The following ADAMTS6 variants were observed in gnomAD, a reference collection of about 807,000 sequenced individuals.
ADAMTS6 encodes A disintegrin and metalloproteinase with thrombospondin motifs 6.
Under a neutral mutation model 144.3 loss-of-function variants are expected in ADAMTS6, and 23 were observed. The ratio of observed to expected loss-of-function variants is 0.16; its 90% CI spans 0.11 to 0.23. ADAMTS6 has a LOEUF of 0.23. Ranked by LOEUF, ADAMTS6 falls within the 10% of genes least tolerant of loss-of-function variation. The pLI is 1.00. For synonymous variants in ADAMTS6, 444 were observed against 457.5 expected (o/e 0.97, Z 0.38); for missense variants, 999 against 1,379.6 (o/e 0.72, Z 4.37).
At chr5:65,467,653 G>T (rs1358170271) in intron 3 of ADAMTS6, among the ~76,000 whole-genome samples, 3 of 151,856 alleles carry the variant, frequency 2.0e-5, no homozygotes, top group Non-Finnish European at 4.4e-5. Flanking sequence ...ATGATTTTTT[G>T]AACCCAGAAT....
intron 21 of ADAMTS6, among the ~76,000 whole-genome samples, chr5:65,188,816 T>C (rs2112178738): frequency 6.6e-6 from 1 of 152,294 alleles, no homozygotes; most frequent in South Asian, 2.1e-4. Context: ...AAACAAGAAA[T>C]AGTAGGTATT....
At chr5:65,409,222 T>C (rs1054797410) in intron 7 of ADAMTS6, among the ~76,000 whole-genome samples, 9 of 151,436 alleles carry the variant, frequency 5.9e-5, no homozygotes, top group South Asian at 2.1e-4. Context: ...CTGGTTTTTT[T>C]AAAAGATCAA....
At chr5:65,220,937 T>C (rs1191228348) in intron 18 of ADAMTS6, among the ~76,000 whole-genome samples, 1 of 152,132 alleles carries the variant, frequency 6.6e-6, no homozygotes, top group Non-Finnish European at 1.5e-5. Context: ...CCTACAGATA[T>C]TAAAAAGATA....
At chr5:65,366,677 ACTGT>A (rs1264963896) in intron 7 of ADAMTS6, among the ~76,000 whole-genome samples, 1 of 152,174 alleles carries the variant, frequency 6.6e-6, no homozygotes. Flanking sequence ...ATTCTTACTA[ACTGT>A]TCATAGATTT....
At chr5:65,409,405 C>G (rs372764719) in intron 7 of ADAMTS6, among the ~76,000 whole-genome samples, 1 of 151,980 alleles carries the variant, frequency 6.6e-6, no homozygotes, top group African/African-American at 2.4e-5. Flanking sequence ...TAGAAGAAAT[C>G]GATAAATTCC....
chr5:65,414,462 C>A (rs895156050), intron 7 of ADAMTS6, among the ~76,000 whole-genome samples: 2 of 151,910 alleles, frequency 1.3e-5, no homozygotes, highest in African/African-American at 2.4e-5. Context: ...CCCCCCTACA[C>A]TAAATGATGA....
intron 9 of ADAMTS6, among the ~76,000 whole-genome samples, chr5:65,302,430 C>T (rs1743532937): frequency 6.7e-6 from 1 of 149,700 alleles, no homozygotes; most frequent in South Asian, 2.1e-4. Context: ...TGCATATACA[C>T]ATATTAGGAA....
chr5:65,404,882 T>A (rs998872600), intron 7 of ADAMTS6, among the ~76,000 whole-genome samples: 9 of 152,200 alleles, frequency 5.9e-5, no homozygotes, highest in Admixed American at 5.9e-4. Context: ...GATTTGCATT[T>A]CTCTGATGGC....
intron 7 of ADAMTS6, among the ~76,000 whole-genome samples, chr5:65,409,205 T>C (rs1402478221): frequency 1.3e-5 from 2 of 151,372 alleles, no homozygotes; most frequent in African/African-American, 4.9e-5. Context: ...ATCAATGAAT[T>C]CAGGAGCTGG....
At chr5:65,392,286 T>G (rs1391062991) in intron 7 of ADAMTS6, among the ~76,000 whole-genome samples, 2 of 152,190 alleles carry the variant, frequency 1.3e-5, no homozygotes, top group Non-Finnish European at 2.9e-5. Context: ...ATAAGCAGTC[T>G]AACACTTGAA....
chr5:65,371,028 T>C lies in ADAMTS6; in HGVS notation c.1074-36943A>G, dbSNP rs561232138. On this transcript the variant is annotated intron_variant, in intron 7 of 24. Coordinates refer to ENST00000381055, the MANE Select transcript of ADAMTS6 (RefSeq NM_197941.4). The stretch of plus-strand genomic sequence containing the variant: ...AGCAGGGGCACACTGACACCTCACA[T>C]GGCCGGGTACTCCAACAGACCTGCA... Among the ~76,000 whole-genome samples the C allele has an allele frequency of 4.7e-3, 721 of 151,896 alleles. 5 individuals carry two copies. The highest frequency in any genetic ancestry group is 0.016 in the African/African-American group (646 of 41,510).
chr5:65,326,759 G>A (rs1240548229), intron 9 of ADAMTS6, among the ~76,000 whole-genome samples: 1 of 152,080 alleles, frequency 6.6e-6, no homozygotes, highest in Non-Finnish European at 1.5e-5. Context: ...CTACTGCTTT[G>A]GTTCAGGAAG....
intron 22 of ADAMTS6, among the ~76,000 whole-genome samples, chr5:65,175,679 T>A (rs1753932696): frequency 1.3e-5 from 2 of 151,178 alleles, no homozygotes; most frequent in Non-Finnish European, 2.9e-5. Flanking sequence ...TGTGAGCACA[T>A]CTCACCAGTT....
chr5:65,341,814 C>T (rs1030119808), intron 7 of ADAMTS6, among the ~76,000 whole-genome samples: 1 of 152,076 alleles, frequency 6.6e-6, no homozygotes, highest in African/African-American at 2.4e-5. Flanking sequence ...AAAAGTGAAG[C>T]AGAGAGAAAT....
chr5:65,249,195 C>G (rs1759926627), intron 14 of ADAMTS6, among the ~76,000 whole-genome samples: 1 of 152,110 alleles, frequency 6.6e-6, no homozygotes, highest in Non-Finnish European at 1.5e-5. Flanking sequence ...AGGCCATTTC[C>G]TGATGGTCCA....
intron 20 of ADAMTS6, among the ~76,000 whole-genome samples, chr5:65,205,243 T>A (rs1756005778): frequency 6.6e-6 from 1 of 152,206 alleles, no homozygotes; most frequent in Non-Finnish European, 1.5e-5. Flanking sequence ...TTAGTCATTA[T>A]TTTTGTTATT....
At chr5:65,262,762 T>C (rs1222357810) in intron 13 of ADAMTS6, 55 bp downstream of exon 13, 3 of 1,455,924 alleles carry the variant, frequency 2.1e-6, no homozygotes, top group Non-Finnish European at 2.7e-6. Context: ...ACCACAGCTT[T>C]GAATCATTTC....
intron 7 of ADAMTS6, among the ~76,000 whole-genome samples, chr5:65,358,604 A>G (rs1162910071): frequency 6.6e-6 from 1 of 152,142 alleles, no homozygotes; most frequent in Admixed American, 6.6e-5. Context: ...AGCTGAAGGC[A>G]TCGCACTACC....
At chr5:65,432,148 T>C (rs1281305421) in intron 7 of ADAMTS6, among the ~76,000 whole-genome samples, 4 of 152,048 alleles carry the variant, frequency 2.6e-5, no homozygotes, top group Non-Finnish European at 5.9e-5. Flanking sequence ...TTGACAAATT[T>C]GTAGTGGGGT....
Sources: allele counts gnomAD v4.1 joint callset (sites outside exome capture counted in the v4.1 genomes callset), GRCh38; gene constraint gnomAD v4.1.1; transcripts MANE v1.5; gene names NCBI Gene and HGNC (gene_info 2026-07-23, HGNC 2026-07-21).